PTPRM: variants seen among roughly 807,000 people sequenced by gnomAD.
PTPRM encodes receptor-type tyrosine-protein phosphatase mu.
A neutral mutation model predicts 186.7 loss-of-function variants in PTPRM; 47 were observed. That is an observed-to-expected ratio of 0.25 (90% CI 0.20 to 0.32). The LOEUF (loss-of-function observed/expected upper bound fraction) is 0.32, where lower values mean the gene tolerates loss of function less well. Among genes scored for constraint, PTPRM ranks in the 10% least tolerant of loss-of-function variants. The pLI, the probability that PTPRM is intolerant of heterozygous loss-of-function variation, is 1.00. For synonymous variants in PTPRM, 668 were observed against 674.9 expected, an observed-to-expected ratio of 0.99 and a Z score of 0.16; for missense variants, 1,494 against 1,865.0, an observed-to-expected ratio of 0.80 and a Z score of 3.66.
chr18:8,184,196 C>G (rs1052543213), intron 14 of PTPRM, among the ~76,000 whole-genome samples: 1 of 152,196 alleles, frequency 6.6e-6, no homozygotes, highest in Admixed American at 6.5e-5. Context: ...ATGGCCTGCC[C>G]TGCTGAAGTG....
chr18:8,330,888 C>T (rs1278117257), intron 22 of PTPRM, among the ~76,000 whole-genome samples: 3 of 152,150 alleles, frequency 2.0e-5, no homozygotes, highest in Non-Finnish European at 4.4e-5. Flanking sequence ...TGCCGCCATT[C>T]GGTCTGTCCC....
At chr18:7,577,678 A>G (rs1159876106) in intron 1 of PTPRM, among the ~76,000 whole-genome samples, 1 of 152,150 alleles carries the variant, frequency 6.6e-6, no homozygotes, top group African/African-American at 2.4e-5. Context: ...TGTGTTTTCT[A>G]CTTCCTCAAC....
At chr18:7,638,061 G>T (rs1039490950) in intron 1 of PTPRM, among the ~76,000 whole-genome samples, 1 of 152,074 alleles carries the variant, frequency 6.6e-6, no homozygotes, top group African/African-American at 2.4e-5. Context: ...TATGACTTGA[G>T]GGTGAATGAA....
At chr18:7,956,047 C>G (rs2053286010) in intron 7 of PTPRM, among the ~76,000 whole-genome samples, 1 of 152,148 alleles carries the variant, frequency 6.6e-6, no homozygotes, top group Non-Finnish European at 1.5e-5. Context: ...TTCCAAAAAT[C>G]AAAACCTGAA....
chr18:7,703,830 AT>A (rs935966781), intron 1 of PTPRM, among the ~76,000 whole-genome samples: 1 of 152,106 alleles, frequency 6.6e-6, no homozygotes, highest in African/African-American at 2.4e-5. Flanking sequence ...AACTGTTACT[AT>A]TTTGAGATAC....
At chr18:7,842,947 T>TATAGAGAGAGAG (rs370746043) in intron 2 of PTPRM, among the ~76,000 whole-genome samples, 20 of 112,106 alleles carry the variant, frequency 1.8e-4, no homozygotes, top group East Asian at 1.2e-3. Flanking sequence ...TATATATATA[T>TATAGAGAGAGAG]AGAGAGAGAG....
At chr18:7,621,092 A>G (rs2037926649) in intron 1 of PTPRM, among the ~76,000 whole-genome samples, 1 of 152,214 alleles carries the variant, frequency 6.6e-6, no homozygotes, top group African/African-American at 2.4e-5. Flanking sequence ...TGCTTATTGT[A>G]TGCTGCAATA....
intron 14 of PTPRM, among the ~76,000 whole-genome samples, chr18:8,185,393 G>A (rs2146635192): frequency 6.6e-6 from 1 of 152,320 alleles, no homozygotes; most frequent in South Asian, 2.1e-4. Flanking sequence ...CGCGTAAACT[G>A]AGACACAGAA....
chr18:7,810,395 G>T (rs2044449033), intron 2 of PTPRM, among the ~76,000 whole-genome samples: 1 of 152,156 alleles, frequency 6.6e-6, no homozygotes, highest in East Asian at 1.9e-4. Flanking sequence ...GAATAGCCTG[G>T]GGATGCAAAT....
At chr18:8,013,267 T>A (rs554904194) in intron 7 of PTPRM, among the ~76,000 whole-genome samples, 2 of 152,304 alleles carry the variant, frequency 1.3e-5, no homozygotes, top group East Asian at 3.9e-4. Context: ...TAGTTAACCC[T>A]TGAACAGTGT....
At chr18:7,893,559 G>A (rs2049186756) in intron 3 of PTPRM, among the ~76,000 whole-genome samples, 1 of 152,140 alleles carries the variant, frequency 6.6e-6, no homozygotes, top group Non-Finnish European at 1.5e-5. Context: ...CCTCATGCAG[G>A]TGGGCTACTA....
chr18:7,991,872 A>G (rs980152507), intron 7 of PTPRM, among the ~76,000 whole-genome samples: 2 of 152,190 alleles, frequency 1.3e-5, no homozygotes, highest in Non-Finnish European at 2.9e-5. Flanking sequence ...GAAAGAACCC[A>G]TCATGAGATA....
intron 13 of PTPRM, among the ~76,000 whole-genome samples, chr18:8,128,557 T>A (rs2092428345): frequency 1.3e-5 from 2 of 152,192 alleles, no homozygotes; most frequent in African/African-American, 4.8e-5. Flanking sequence ...TCACTGTTGA[T>A]TTATTGCCCT....
At chr18:7,869,624 C>T (rs552433523) in intron 2 of PTPRM, among the ~76,000 whole-genome samples, 11 of 128,372 alleles carry the variant, frequency 8.6e-5, no homozygotes, top group African/African-American at 1.8e-4. Flanking sequence ...AGCTGCAGAC[C>T]GGAGTTGTTC....
At chr18:8,007,633 G>T (rs147832325) in intron 7 of PTPRM, among the ~76,000 whole-genome samples, 2 of 152,268 alleles carry the variant, frequency 1.3e-5, no homozygotes, top group African/African-American at 4.8e-5. Context: ...CTAACAAGCA[G>T]TAAGATACTG....
At chr18:7,828,611 C>T (rs1172565597) in intron 2 of PTPRM, among the ~76,000 whole-genome samples, 3 of 152,222 alleles carry the variant, frequency 2.0e-5, no homozygotes, top group Non-Finnish European at 2.9e-5. Context: ...GGTGAAACTG[C>T]GTTGAGAGTG....
chr18:8,032,114 A>C (rs2086017210), intron 7 of PTPRM, among the ~76,000 whole-genome samples: 1 of 152,194 alleles, frequency 6.6e-6, no homozygotes, highest in African/African-American at 2.4e-5. Context: ...AAATCAATTA[A>C]AACTGTTACA....
In PTPRM at chr18:7,668,159, T is replaced by C. The variant is rs912428865; in HGVS notation, c.73+100268T>C. Among the ~76,000 whole-genome samples the C allele has an allele frequency of 3.9e-5, 6 of 152,216 alleles. No homozygotes were observed. In the South Asian group the frequency reaches 1.0e-3, roughly 26 times the overall value. ...GAAAGGGAAAGTCAAGCTCTTATTA[T>C]TTAGCAGTCCTTCTTCAAAGGGTGT... On this transcript the variant is annotated intron_variant, in intron 1 of 32. Transcript: ENST00000580170. This position sits in a 1 kb window ranked among gnomAD's most constrained non-coding sequence, Gnocchi z 4.7.
At chr18:8,210,331 G>T (rs2093986321) in intron 14 of PTPRM, among the ~76,000 whole-genome samples, 1 of 152,048 alleles carries the variant, frequency 6.6e-6, no homozygotes. Context: ...GTTGGGGGTG[G>T]GGTGGAAATT....
Sources: allele counts gnomAD v4.1 joint callset (sites outside exome capture counted in the v4.1 genomes callset), GRCh38; gene constraint gnomAD v4.1.1; non-coding constraint Gnocchi (gnomAD v3.1); transcripts MANE v1.5; gene names NCBI Gene and HGNC (gene_info 2026-07-23, HGNC 2026-07-21).